Variants in NCKAP5 observed in about 807,000 individuals in gnomAD.
NCKAP5 encodes the protein NCK associated protein 5, also known as nck-associated protein 5.
A neutral mutation model predicts 167.0 loss-of-function variants in NCKAP5; 92 were observed. The observed-to-expected ratio is 0.55, with a 90% CI of 0.47 to 0.66. NCKAP5 has a LOEUF of 0.66. NCKAP5 is among the 30% of genes least tolerant of loss of function. The pLI, the probability that NCKAP5 is intolerant of heterozygous loss-of-function variation, is 0.00. For synonymous variants in NCKAP5, 891 were observed against 877.4 expected (o/e 1.02, Z -0.27); for missense variants, 2,378 against 2,315.0 (o/e 1.03, Z -0.56).
intron 19 of NCKAP5, among the ~76,000 whole-genome samples, chr2:132,695,616 C>T (rs958367806): frequency 1.7e-4 from 26 of 152,182 alleles, no homozygotes; most frequent in African/African-American, 5.5e-4. Flanking sequence ...TGGCTTCTTA[C>T]TTTGACCTTT....
At chr2:132,725,576 G>T (rs375266385) in intron 19 of NCKAP5, 51 bp downstream of exon 19, 1 of 1,562,638 alleles carries the variant, frequency 6.4e-7, no homozygotes, top group Non-Finnish European at 8.6e-7. Context: ...TATAATCAGC[G>T]GCTTCCCAGA....
chr2:132,773,755 G>A lies in NCKAP5; in HGVS notation c.5128+61C>T, dbSNP rs1252204288. ...TGGTCTCTAGGAATGTACCATATCT[G>A]GAAGAAGGATACATTTAGAATAAGT... On this transcript the variant is annotated intron_variant, in intron 16 of 19. Transcript: ENST00000409261. 3.8e-6 allele frequency: 5 copies of A among 1,308,058 alleles called. No homozygotes were observed. The Middle Eastern group carries it at 7.3e-4, about 192-fold the overall frequency. The allele number at this position is 1,308,058 out of a possible 1,614,324, so 81.0% of individuals were successfully genotyped here. A position where few individuals can be genotyped will look rare whatever the true frequency, so the allele number is the denominator to read the frequency against.
At chr2:132,699,481 C>T (rs1172666669) in intron 19 of NCKAP5, among the ~76,000 whole-genome samples, 3 of 151,894 alleles carry the variant, frequency 2.0e-5, no homozygotes, top group Non-Finnish European at 4.4e-5. Context: ...CCTCCCCACT[C>T]CCCCCTCCCC....
intron 3 of NCKAP5, among the ~76,000 whole-genome samples, chr2:133,468,168 A>G (rs1231408127): frequency 7.2e-6 from 1 of 138,142 alleles, no homozygotes; most frequent in Non-Finnish European, 1.5e-5. Flanking sequence ...ATTTCCCTCT[A>G]CATACTGCTT....
chr2:132,994,214 A>G lies in NCKAP5; in HGVS notation c.367T>C (p.Leu123=), dbSNP rs373323769. ...TGCTCTGGAGATCCTTGACTCTGCA[A>G]TAGATTTCGTACTGTTTCTTCCATC... The part of the protein sequence containing the change: ...SRMEETVRNL[L]QSQGSPEQKK... The change falls in exon 7 of 20, where the codon TTG becomes CTG. Residue 123 remains leucine, a synonymous_variant. Coordinates refer to ENST00000409261, the MANE Select transcript of NCKAP5 (RefSeq NM_207363.3). The G allele has an allele frequency of 1.3e-5, 21 of 1,590,148 alleles. No homozygotes were observed. The highest frequency in any genetic ancestry group is 1.6e-5 in the Non-Finnish European group (19 of 1,167,392).
chr2:133,600,761 G>A, the NCKAP5 span, among the ~76,000 whole-genome samples: 2 of 152,208 alleles, frequency 1.3e-5, no homozygotes, highest in Admixed American at 1.3e-4. Context: ...CCTGATGTGC[G>A]AAGCTCCATC....
At chr2:133,022,801 T>C (rs1354554269) in intron 6 of NCKAP5, among the ~76,000 whole-genome samples, 1 of 152,184 alleles carries the variant, frequency 6.6e-6, no homozygotes, top group African/African-American at 2.4e-5. Flanking sequence ...TACTCATCTG[T>C]CTTACATCAA....
intron 8 of NCKAP5, among the ~76,000 whole-genome samples, chr2:132,912,843 GTA>G (rs1179578909): frequency 1.3e-5 from 2 of 152,098 alleles, no homozygotes; most frequent in African/African-American, 4.8e-5. Flanking sequence ...TCCTCCCCCT[GTA>G]TAGTCTGGTT....
chr2:132,679,687 C>G (rs1321416292), intron 19 of NCKAP5, among the ~76,000 whole-genome samples: 1 of 152,108 alleles, frequency 6.6e-6, no homozygotes. Flanking sequence ...TAAATGAAGT[C>G]TAAGAGACGG....
At chr2:133,672,858 C>T in the NCKAP5 span, among the ~76,000 whole-genome samples, 4 of 152,168 alleles carry the variant, frequency 2.6e-5, no homozygotes, top group Admixed American at 2.6e-4. Context: ...TAACTGAGGC[C>T]ATCCTTTACT....
Position 133,172,650 on chromosome 2 carries a change from TG to T in NCKAP5, c.207+41065del, listed in dbSNP as rs200978867. The stretch of plus-strand genomic sequence containing the variant: ...CACATCTGGCTAATCGTTTTTTTTT[TG>T]TTGTTGTTGTTTTTGAGATGGAGTC... On this transcript the variant is annotated intron_variant, in intron 5 of 19. Transcript: ENST00000409261. Among the ~76,000 whole-genome samples the T allele has an allele frequency of 5.1e-3, 763 of 150,572 alleles. 2 individuals are homozygous for T. Among genetic ancestry groups the T allele is most frequent in the Non-Finnish European group, 8.2e-3 (558 of 67,652 alleles).
intron 6 of NCKAP5, among the ~76,000 whole-genome samples, chr2:133,081,478 A>G (rs1573970656): frequency 1.3e-5 from 2 of 152,150 alleles, no homozygotes; most frequent in East Asian, 3.9e-4. Context: ...GTATCTGCTT[A>G]TTTTCTAGTC....
chr2:133,641,993 C>T, the NCKAP5 span, among the ~76,000 whole-genome samples: 9 of 152,092 alleles, frequency 5.9e-5, no homozygotes, highest in African/African-American at 1.9e-4. Context: ...TTATTTGGCT[C>T]ATGATTTTAG....
At chr2:133,252,597 T>G (rs1157519633) in intron 4 of NCKAP5, among the ~76,000 whole-genome samples, 1 of 152,156 alleles carries the variant, frequency 6.6e-6, no homozygotes, top group Non-Finnish European at 1.5e-5. Context: ...AATGGCATGT[T>G]TCTTCTGCCC....
intron 7 of NCKAP5, among the ~76,000 whole-genome samples, chr2:132,981,268 C>T (rs899498771): frequency 6.6e-6 from 1 of 152,134 alleles, no homozygotes; most frequent in African/African-American, 2.4e-5. Context: ...CAGGCTTGTT[C>T]CCAAAGCCCC....
chr2:132,766,278 C>T (rs1278413479), intron 16 of NCKAP5, among the ~76,000 whole-genome samples: 1 of 38,408 alleles, frequency 2.6e-5, no homozygotes, highest in Non-Finnish European at 4.9e-5. Flanking sequence ...GATTCTGTCT[C>T]AAAAAAAAAA....
At chr2:133,044,223 C>CAAAGGA (rs2079311468) in intron 6 of NCKAP5, among the ~76,000 whole-genome samples, 1 of 151,924 alleles carries the variant, frequency 6.6e-6, no homozygotes, top group South Asian at 2.1e-4. Context: ...GTACAAATAG[C>CAAAGGA]AAAGGAAAAG....
intron 5 of NCKAP5, among the ~76,000 whole-genome samples, chr2:133,210,592 G>T (rs1374613596): frequency 1.3e-5 from 2 of 152,066 alleles, no homozygotes; most frequent in African/African-American, 2.4e-5. Flanking sequence ...AAATTTAAAG[G>T]ATTAATAGAA....
At chr2:132,675,105 T>C (rs1271502160) in intron 19 of NCKAP5, among the ~76,000 whole-genome samples, 1 of 152,236 alleles carries the variant, frequency 6.6e-6, no homozygotes, top group Non-Finnish European at 1.5e-5. Flanking sequence ...TCTTGCCTAT[T>C]TCTCATCTAT....
Sources: allele counts gnomAD v4.1 joint callset (sites outside exome capture counted in the v4.1 genomes callset), GRCh38; gene constraint gnomAD v4.1.1; transcripts MANE v1.5; gene names NCBI Gene and HGNC (gene_info 2026-07-23, HGNC 2026-07-21).